The following GRIP1 variants were observed in gnomAD, a reference collection of about 807,000 sequenced individuals.
GRIP1 encodes the protein glutamate receptor-interacting protein 1.
GRIP1 carries 45 observed loss-of-function variants against 129.9 expected under a neutral mutation model. The ratio of observed to expected loss-of-function variants is 0.35; its 90% CI spans 0.27 to 0.44. The LOEUF is 0.44. Ranked by LOEUF, GRIP1 falls within the 20% of genes least tolerant of loss-of-function variation. The pLI is 1.00. For missense variants in GRIP1, 1,196 were observed against 1,396.8 expected (o/e 0.86, Z 2.29); for synonymous variants, 530 against 520.8 (o/e 1.02, Z -0.24).
rs577611721 is a variant in GRIP1, at chr12:66,925,951, C to T, written c.58+143099G>A. Among the ~76,000 whole-genome samples, 7 of 152,106 alleles carry T rather than the reference C, an allele frequency of 4.6e-5. No individual in the cohort carries two copies. The South Asian group carries it at 1.5e-3, about 32-fold the overall frequency. On this transcript the variant is annotated intron_variant, in intron 1 of 1. Transcript: ENST00000643019. ...GAGCCACTGCGCCCAGCCAGTAATACCTGTTTAAGAAAATTTCTGAAAAAT... is the reference window on the plus strand; with the variant it reads ...GAGCCACTGCGCCCAGCCAGTAATATCTGTTTAAGAAAATTTCTGAAAAAT...
chr12:67,022,775 G>A (rs1178175114), intron 1 of GRIP1, among the ~76,000 whole-genome samples: 1 of 152,076 alleles, frequency 6.6e-6, no homozygotes, highest in African/African-American at 2.4e-5. Context: ...ATACCACGTG[G>A]TACTGAGGTT....
At chr12:66,455,608 G>A (rs543934754) in intron 10 of GRIP1, 44 bp from the exon 11 acceptor site, 4 of 1,576,166 alleles carry the variant, frequency 2.5e-6, no homozygotes, top group Admixed American at 1.7e-5. Flanking sequence ...CTCAGGTGAG[G>A]TGTGAGCCCG....
At chr12:66,522,794 G>A (rs946752512) in intron 5 of GRIP1, among the ~76,000 whole-genome samples, 3 of 152,098 alleles carry the variant, frequency 2.0e-5, no homozygotes, top group African/African-American at 4.8e-5. Flanking sequence ...AAAATTAGAC[G>A]AATGGATACC....
At chr12:66,613,162 A>T (rs1244786097) in intron 1 of GRIP1, among the ~76,000 whole-genome samples, 1 of 152,176 alleles carries the variant, frequency 6.6e-6, no homozygotes, top group Non-Finnish European at 1.5e-5. Context: ...TAAACCAGAC[A>T]CATCAGGTGG....
At chr12:66,790,829 G>A (rs758067637) in intron 1 of GRIP1, among the ~76,000 whole-genome samples, 2 of 152,004 alleles carry the variant, frequency 1.3e-5, no homozygotes, top group East Asian at 1.9e-4. Context: ...CGAGGGAGGC[G>A]GAGATAGCCC....
intron 1 of GRIP1, among the ~76,000 whole-genome samples, chr12:67,024,680 G>A (rs1187117284): frequency 6.6e-6 from 1 of 152,146 alleles, no homozygotes; most frequent in Non-Finnish European, 1.5e-5. Flanking sequence ...CATTTCACGT[G>A]TGGAATTCTA....
At chr12:66,574,295 T>C (rs897088565) in intron 2 of GRIP1, among the ~76,000 whole-genome samples, 2 of 152,224 alleles carry the variant, frequency 1.3e-5, no homozygotes, top group African/African-American at 4.8e-5. Context: ...AATAAACAAA[T>C]GCGTTTTAGT....
At chr12:66,364,287 AAAAGAAAG>A (rs1405724131) in intron 23 of GRIP1, among the ~76,000 whole-genome samples, 133 of 125,992 alleles carry the variant, frequency 1.1e-3, no homozygotes, top group African/African-American at 3.7e-3. Flanking sequence ...AAAAAAAAAA[AAAAGAAAG>A]AAAGAAAGAA....
chr12:66,706,174 T>C (rs969824169), intron 1 of GRIP1, among the ~76,000 whole-genome samples: 1 of 152,002 alleles, frequency 6.6e-6, no homozygotes. Context: ...AGGTCTAATA[T>C]CTAGAATTTA....
chr12:66,737,056 G>C (rs2036626843), intron 1 of GRIP1, among the ~76,000 whole-genome samples: 2 of 152,090 alleles, frequency 1.3e-5, no homozygotes, highest in Non-Finnish European at 2.9e-5. Flanking sequence ...AGAAGAGCTG[G>C]CCACGATCAT....
At chr12:66,831,749 C>T (rs10506502) in intron 1 of GRIP1, among the ~76,000 whole-genome samples, 24,594 of 152,032 alleles carry the variant, frequency 0.16, 2,140 homozygotes, top group East Asian at 0.37. Context: ...GGGACGAGCA[C>T]GGTACAAAAC....
rs558617621 is a variant in GRIP1, at chr12:66,988,512, T to C, written c.58+80538A>G. Among the ~76,000 whole-genome samples the C allele has an allele frequency of 2.0e-5, 3 of 152,244 alleles. No individual in the cohort carries two copies. In the South Asian group the frequency reaches 6.2e-4, roughly 32 times the overall value. On this transcript the variant is annotated intron_variant, in intron 1 of 1. Transcript: ENST00000643019. The stretch of plus-strand genomic sequence containing the variant: ...CTCCCACTTCAGCCTCCAGAGTAGC[T>C]AGGACTACAGGCATGCACCACCACA...
upstream of GRIP1, among the ~76,000 whole-genome samples, chr12:66,806,126 C>A (rs1303714172): frequency 6.6e-6 from 1 of 151,754 alleles, no homozygotes; most frequent in Non-Finnish European, 1.5e-5. Flanking sequence ...TAATAATACA[C>A]AATCTTTTAA....
Position 66,637,070 on chromosome 12 carries a change from G to T in GRIP1, c.56-40143C>A, listed in dbSNP as rs536595487. On this transcript the variant is annotated intron_variant, in intron 1 of 24. Coordinates refer to ENST00000359742, the MANE Select transcript of GRIP1 (RefSeq NM_001366722.1). ...TGCAGGCCCATAACCCAGCCAGGCC[G>T]CTTCATGGTGTGCATTCCAGGGAAC... Among the ~76,000 whole-genome samples, 25 of 152,202 alleles carry T rather than the reference G, an allele frequency of 1.6e-4. 2 individuals carry two copies. Among genetic ancestry groups the T allele is most frequent in the Middle Eastern group, 3.4e-3 (1 of 294 alleles).
intron 1 of GRIP1, among the ~76,000 whole-genome samples, chr12:67,066,850 A>C (rs2043633508): frequency 6.7e-6 from 1 of 148,370 alleles, no homozygotes; most frequent in Non-Finnish European, 1.5e-5. Flanking sequence ...TGATATATGC[A>C]TTACAAGTCA....
intron 1 of GRIP1, among the ~76,000 whole-genome samples, chr12:66,943,247 T>G (rs1239550954): frequency 6.6e-6 from 1 of 152,046 alleles, no homozygotes; most frequent in Admixed American, 6.5e-5. Context: ...AGCTTATAAG[T>G]AGTAAGGGTC....
At chr12:66,459,926 C>A (rs2059084944) in intron 9 of GRIP1, among the ~76,000 whole-genome samples, 1 of 152,144 alleles carries the variant, frequency 6.6e-6, no homozygotes. Flanking sequence ...TATAGACATT[C>A]TCTCATTTAA....
chr12:66,807,509 T>C (rs531421415), upstream of GRIP1, among the ~76,000 whole-genome samples: 1 of 152,192 alleles, frequency 6.6e-6, no homozygotes, highest in East Asian at 1.9e-4. Flanking sequence ...CTGTCTCTAC[T>C]GAAAATACAA....
rs771742091 is a variant in GRIP1, at chr12:66,515,618, C to T, written c.724+1G>A. On this transcript the variant is annotated splice_donor_variant, in intron 7 of 24. Transcript: ENST00000359742. LOFTEE classifies it high-confidence loss of function. ...ATCACACCCTCAGGACCCCAACATA[C>T]CCATTACTGAGACATCATATTCTAT... The T allele has an allele frequency of 1.2e-6, 2 of 1,612,678 alleles. No homozygotes were observed. The highest frequency in any genetic ancestry group is 1.7e-6 in the Non-Finnish European group (2 of 1,178,734).
Sources: allele counts gnomAD v4.1 joint callset (sites outside exome capture counted in the v4.1 genomes callset), GRCh38; gene constraint gnomAD v4.1.1; transcripts MANE v1.5; gene names NCBI Gene and HGNC (gene_info 2026-07-23, HGNC 2026-07-21).